The following ASIC2 variants were observed in gnomAD, a reference collection of about 807,000 sequenced individuals.
The protein encoded by ASIC2 is acid-sensing ion channel 2.
Under a neutral mutation model 57.3 loss-of-function variants are expected in ASIC2, and 25 were observed. The ratio of observed to expected loss-of-function variants is 0.44; its 90% CI spans 0.32 to 0.61. The LOEUF is 0.61. Ranked by LOEUF, ASIC2 falls within the 20% of genes least tolerant of loss-of-function variation. The pLI is 0.06. For missense variants in ASIC2, 641 were observed against 738.1 expected (o/e 0.87, Z 1.52); for synonymous variants, 319 against 307.5 (o/e 1.04, Z -0.39).
chr17:33,509,659 C>T (rs1340344967), intron 1 of ASIC2, among the ~76,000 whole-genome samples: 1 of 152,212 alleles, frequency 6.6e-6, no homozygotes, highest in Non-Finnish European at 1.5e-5. Context: ...TCAGGCCCCG[C>T]AGAGAGAAGA....
chr17:33,467,790 C>T (rs770255629), intron 1 of ASIC2, among the ~76,000 whole-genome samples: 2 of 152,180 alleles, frequency 1.3e-5, no homozygotes, highest in Non-Finnish European at 2.9e-5. Context: ...TCCCACATTT[C>T]CAGACAAAAC....
intron 1 of ASIC2, among the ~76,000 whole-genome samples, chr17:33,458,293 A>G (rs1443330120): frequency 6.6e-6 from 1 of 152,218 alleles, no homozygotes; most frequent in Non-Finnish European, 1.5e-5. Context: ...ATTGAGGATC[A>G]TTGGAGGATG....
At chr17:33,232,449 G>T (rs192884206) in intron 1 of ASIC2, among the ~76,000 whole-genome samples, 233 of 128,564 alleles carry the variant, frequency 1.8e-3, no homozygotes, top group Middle Eastern at 3.9e-3. Context: ...GGTATGGAAT[G>T]GTATGGTATG....
chr17:33,387,894 A>G (rs1909744588), intron 1 of ASIC2, among the ~76,000 whole-genome samples: 1 of 152,296 alleles, frequency 6.6e-6, no homozygotes, highest in African/African-American at 2.4e-5. Flanking sequence ...AGCCTGGCCA[A>G]CATGATGATT....
chr17:33,826,475 A>C (rs1021698999), intron 1 of ASIC2, among the ~76,000 whole-genome samples: 9 of 152,192 alleles, frequency 5.9e-5, no homozygotes, highest in Admixed American at 1.3e-4. Context: ...GAATTTTTTC[A>C]TGAAGGTCAC....
intron 1 of ASIC2, among the ~76,000 whole-genome samples, chr17:33,957,454 A>G (rs1466205060): frequency 6.6e-6 from 1 of 152,216 alleles, no homozygotes; most frequent in Non-Finnish European, 1.5e-5. Flanking sequence ...ATGCACTCAC[A>G]GTTCCACATG....
At chr17:33,826,536 C>T (rs539540893) in intron 1 of ASIC2, among the ~76,000 whole-genome samples, 14 of 152,310 alleles carry the variant, frequency 9.2e-5, no homozygotes, top group Non-Finnish European at 1.5e-4. Context: ...TTGGCGATCA[C>T]GTAGCCCATT....
intron 3 of ASIC2, among the ~76,000 whole-genome samples, chr17:33,056,497 C>T (rs938101686): frequency 6.6e-6 from 1 of 152,138 alleles, no homozygotes; most frequent in Non-Finnish European, 1.5e-5. Context: ...GGAATAGACA[C>T]AGGTTGAGCC....
At chr17:33,890,627 A>C (rs973130403) in intron 1 of ASIC2, among the ~76,000 whole-genome samples, 2 of 152,044 alleles carry the variant, frequency 1.3e-5, no homozygotes, top group Non-Finnish European at 2.9e-5. Flanking sequence ...CCAGGTCTGA[A>C]CCACCGTCCA....
At chr17:33,640,496 C>T (rs977018973) in intron 1 of ASIC2, among the ~76,000 whole-genome samples, 3 of 152,180 alleles carry the variant, frequency 2.0e-5, no homozygotes, top group African/African-American at 4.8e-5. Context: ...AGAGAGAGCA[C>T]GGACTGTGAA....
intron 1 of ASIC2, among the ~76,000 whole-genome samples, chr17:33,683,085 A>G (rs1459301567): frequency 2.6e-5 from 4 of 152,150 alleles, no homozygotes; most frequent in Non-Finnish European, 4.4e-5. Context: ...GCTGCCCTAT[A>G]AGGTGCTACA....
At chr17:33,202,678 T>C (rs1276819231) in intron 1 of ASIC2, among the ~76,000 whole-genome samples, 1 of 152,254 alleles carries the variant, frequency 6.6e-6, no homozygotes, top group Non-Finnish European at 1.5e-5. Flanking sequence ...AGAGTTGCTA[T>C]GGAGAGCGAA....
chr17:34,088,743 G>T (rs945542744), intron 1 of ASIC2, among the ~76,000 whole-genome samples: 1 of 152,206 alleles, frequency 6.6e-6, no homozygotes, highest in Non-Finnish European at 1.5e-5. Flanking sequence ...GGGCAATGGC[G>T]GGCGCCCCTC....
intron 1 of ASIC2, among the ~76,000 whole-genome samples, chr17:34,134,603 T>G (rs1384621980): frequency 6.6e-6 from 1 of 152,152 alleles, no homozygotes; most frequent in Non-Finnish European, 1.5e-5. Flanking sequence ...AAGGGAGACT[T>G]TGCCCTGAGT....
chr17:33,433,619 G>A (rs1911497187), intron 1 of ASIC2, among the ~76,000 whole-genome samples: 1 of 152,104 alleles, frequency 6.6e-6, no homozygotes, highest in Non-Finnish European at 1.5e-5. Context: ...GCGTGGTGGT[G>A]TGTGCCTGTA....
At chr17:33,338,607 A>G (rs1266731044) in intron 1 of ASIC2, among the ~76,000 whole-genome samples, 2 of 152,170 alleles carry the variant, frequency 1.3e-5, no homozygotes, top group East Asian at 3.9e-4. Context: ...CAGGAGGGAG[A>G]GCTGATAGCA....
chr17:33,852,279 G>C (rs1913790053), intron 1 of ASIC2, among the ~76,000 whole-genome samples: 1 of 152,208 alleles, frequency 6.6e-6, no homozygotes, highest in South Asian at 2.1e-4. Context: ...GATATGTGAA[G>C]CTGTGAAAAT....
intron 1 of ASIC2, among the ~76,000 whole-genome samples, chr17:33,620,679 A>G (rs975413551): frequency 6.6e-6 from 1 of 152,198 alleles, no homozygotes; most frequent in Admixed American, 6.5e-5. Context: ...CTATCGTTTC[A>G]TCTGTAGCCT....
intron 1 of ASIC2, among the ~76,000 whole-genome samples, chr17:33,433,367 C>T (rs1911485162): frequency 6.6e-6 from 1 of 152,146 alleles, no homozygotes; most frequent in African/African-American, 2.4e-5. Flanking sequence ...CATGGACACA[C>T]AGAGGTGAAC....
Sources: gnomAD v4.1 joint callset for allele counts (sites outside exome capture counted in the v4.1 genomes callset) on GRCh38, gnomAD v4.1.1 for gene constraint, MANE v1.5 for transcripts, NCBI Gene and HGNC (gene_info 2026-07-23, HGNC 2026-07-21) for gene names.